Variants in ZFPM2 observed in about 807,000 individuals in gnomAD.
The protein encoded by ZFPM2 is zinc finger protein, FOG family member 2, also known as zinc finger protein ZFPM2.
A neutral mutation model predicts 98.6 loss-of-function variants in ZFPM2; 20 were observed. That is an observed-to-expected ratio of 0.20 (90% confidence interval 0.14 to 0.29). ZFPM2 has a LOEUF of 0.29. Among genes scored for constraint, ZFPM2 ranks in the 10% least tolerant of loss-of-function variants. The pLI, the probability that ZFPM2 is intolerant of heterozygous loss-of-function variation, is 1.00. For missense variants in ZFPM2, 1,310 were observed against 1,388.6 expected (o/e 0.94, Z 0.90); for synonymous variants, 518 against 502.7 (o/e 1.03, Z -0.41).
rs143202273 is a variant in ZFPM2 at position 105,509,731 on chromosome 8, A to G, written c.302-51632A>G. Among the ~76,000 whole-genome samples, 928 of 152,062 alleles carry G rather than the reference A, an allele frequency of 6.1e-3. 6 individuals are homozygous for G. Among genetic ancestry groups the G allele is most frequent in the Non-Finnish European group, 1.0e-2 (679 of 67,978 alleles). On this transcript the variant is annotated intron_variant, in intron 3 of 7. Coordinates refer to ENST00000407775, the MANE Select transcript of ZFPM2 (RefSeq NM_012082.4). ...TTTCTCTGTTCTCTCCTCACTTTTT[A>G]TCATTTTTTTAACCTAGGAGTCATT...
intron 4 of ZFPM2, among the ~76,000 whole-genome samples, chr8:105,606,122 A>T (rs962875337): frequency 6.6e-6 from 1 of 152,130 alleles, no homozygotes; most frequent in African/African-American, 2.4e-5. Context: ...CAAATAAATA[A>T]ACCAAATTAA....
chr8:105,634,449 G>A (rs941259962), intron 5 of ZFPM2, 92 bp downstream of exon 5: 12 of 995,802 alleles, frequency 1.2e-5, no homozygotes, highest in African/African-American at 9.7e-5. Flanking sequence ...GAAGTACAAA[G>A]TATAAATTGA....
Position 105,619,625 on chromosome 8 carries a change from C to T in ZFPM2, c.421-14621C>T, listed in dbSNP as rs1187182552. ...GGTATATATGTACCATGTTGGTGTG[C>T]TGCACTTATTAATTCATCATTTACA... On this transcript the variant is annotated intron_variant, in intron 4 of 7. Transcript: ENST00000407775. Among the ~76,000 whole-genome samples, 4 of 151,872 alleles carry T rather than the reference C, an allele frequency of 2.6e-5. No homozygotes were observed. In the South Asian group the frequency reaches 8.3e-4, roughly 31 times the overall value.
At chr8:105,492,217 T>C (rs1813369049) in intron 3 of ZFPM2, among the ~76,000 whole-genome samples, 1 of 152,162 alleles carries the variant, frequency 6.6e-6, no homozygotes, top group Non-Finnish European at 1.5e-5. Flanking sequence ...TAATTCATCT[T>C]AAAACACTAG....
chr8:105,354,912 C>A (rs1399361013), intron 1 of ZFPM2, among the ~76,000 whole-genome samples: 2 of 151,980 alleles, frequency 1.3e-5, no homozygotes, highest in Admixed American at 6.5e-5. Flanking sequence ...CGAGATGGCG[C>A]CACTGCACTC....
At chr8:105,464,784 G>A (rs1812766925) in intron 3 of ZFPM2, among the ~76,000 whole-genome samples, 2 of 151,998 alleles carry the variant, frequency 1.3e-5, no homozygotes, top group African/African-American at 4.8e-5. Context: ...AGATTGGTCA[G>A]TCTGGGCAAA....
intron 3 of ZFPM2, among the ~76,000 whole-genome samples, chr8:105,543,575 A>G (rs1389955739): frequency 6.6e-6 from 1 of 152,204 alleles, no homozygotes; most frequent in African/African-American, 2.4e-5. Flanking sequence ...GTAAGGAATT[A>G]AACCAATTGG....
chr8:105,741,620 G>C (rs1812217597), intron 5 of ZFPM2, among the ~76,000 whole-genome samples: 1 of 152,060 alleles, frequency 6.6e-6, no homozygotes, highest in Non-Finnish European at 1.5e-5. Context: ...ACTAAGTTCT[G>C]TTTTGATTGC....
intron 1 of ZFPM2, among the ~76,000 whole-genome samples, chr8:105,373,887 T>G (rs1428415604): frequency 1.3e-5 from 2 of 152,164 alleles, no homozygotes; most frequent in African/African-American, 4.8e-5. Context: ...TACCTCTGTC[T>G]TCATGCATAA....
intron 5 of ZFPM2, among the ~76,000 whole-genome samples, chr8:105,783,584 T>G (rs1305604761): frequency 2.6e-5 from 4 of 152,102 alleles, no homozygotes; most frequent in Non-Finnish European, 5.9e-5. Context: ...CCATTCTACT[T>G]TCTGTCTGTA....
At chr8:105,343,635 C>T (rs530759400) in intron 1 of ZFPM2, among the ~76,000 whole-genome samples, 19 of 152,164 alleles carry the variant, frequency 1.2e-4, no homozygotes, top group Admixed American at 5.9e-4. Context: ...CAAAATGGCC[C>T]AGCCTTCTTT....
intron 1 of ZFPM2, among the ~76,000 whole-genome samples, chr8:105,331,954 A>G (rs1437480124): frequency 8.6e-5 from 13 of 151,684 alleles, no homozygotes; most frequent in African/African-American, 3.1e-4. Flanking sequence ...TAAACTTTTG[A>G]TCATGGACTA....
rs770354767 is a variant in ZFPM2, at chr8:105,798,826, C to G, written c.842C>G (p.Ala281Gly). The G allele has an allele frequency of 1.4e-5, 23 of 1,613,850 alleles. No homozygotes were observed. Among genetic ancestry groups the G allele is most frequent in the Middle Eastern group, 1.6e-4 (1 of 6,084 alleles). ...YYCSGRQREAAPVSEENEDSA... is the reference protein window; with the variant it reads ...YYCSGRQREAGPVSEENEDSA... ...TGCAGTGGGAGGCAAAGAGAAGCTG[C>G]TCCGGTGTCAGAGGAAAATGAAGAC... Residue 281 changes from alanine (A) to glycine (G), a missense_variant, in exon 7 of 8, where the codon GCT becomes GGT. Physicochemically the swap from Ala to Gly is moderately conservative, Grantham distance 60. Coordinates refer to ENST00000407775, the MANE Select transcript of ZFPM2 (RefSeq NM_012082.4).
intron 3 of ZFPM2, among the ~76,000 whole-genome samples, chr8:105,538,384 C>A (rs938570653): frequency 5.3e-5 from 8 of 152,098 alleles, no homozygotes; most frequent in African/African-American, 1.9e-4. Context: ...GAGAAATATT[C>A]CTATTCCAAA....
At chr8:105,518,866 T>TATC (rs1813992706) in intron 3 of ZFPM2, among the ~76,000 whole-genome samples, 1 of 152,242 alleles carries the variant, frequency 6.6e-6, no homozygotes, top group Non-Finnish European at 1.5e-5. Context: ...CTTTGTGATA[T>TATC]ATCACTGATG....
At chr8:105,579,276 T>C (rs914205824) in intron 4 of ZFPM2, among the ~76,000 whole-genome samples, 19 of 152,314 alleles carry the variant, frequency 1.2e-4, no homozygotes, top group Admixed American at 5.9e-4. Flanking sequence ...GTTCGTAATT[T>C]GTCATTGAGA....
chr8:105,659,733 A>T (rs898730564), intron 5 of ZFPM2, among the ~76,000 whole-genome samples: 6 of 152,184 alleles, frequency 3.9e-5, no homozygotes, highest in South Asian at 2.1e-4. Flanking sequence ...TTATAGAATT[A>T]TGTTTTTTAT....
At chr8:105,407,169 T>C (rs1319080126) in intron 1 of ZFPM2, among the ~76,000 whole-genome samples, 1 of 151,452 alleles carries the variant, frequency 6.6e-6, no homozygotes, top group Admixed American at 6.6e-5. Flanking sequence ...TTATAAGCCA[T>C]GAGTAAAATA....
chr8:105,645,822 G>C (rs1817030857), intron 5 of ZFPM2, among the ~76,000 whole-genome samples: 2 of 152,242 alleles, frequency 1.3e-5, no homozygotes, highest in South Asian at 4.1e-4. Context: ...GGGAGGCCAA[G>C]GCAGACGGAT....
Sources: allele counts gnomAD v4.1 joint callset (sites outside exome capture counted in the v4.1 genomes callset), GRCh38; gene constraint gnomAD v4.1.1; transcripts MANE v1.5; gene names NCBI Gene and HGNC (gene_info 2026-07-23, HGNC 2026-07-21).